The following DOCK2 variants were observed in gnomAD, a reference collection of about 807,000 sequenced individuals.
DOCK2 encodes the protein dedicator of cytokinesis protein 2.
In DOCK2, 87 loss-of-function variants were observed where a neutral mutation model predicts 248.9. The observed-to-expected ratio is 0.35, with a 90% confidence interval of 0.29 to 0.42. DOCK2 has a LOEUF of 0.42. Ranked by LOEUF, DOCK2 falls within the 10% of genes least tolerant of loss-of-function variation. DOCK2 has a pLI of 1.00. For synonymous variants in DOCK2, 805 were observed against 821.6 expected, an observed-to-expected ratio of 0.98 and a Z score of 0.35; for missense variants, 1,747 against 2,300.2, an observed-to-expected ratio of 0.76 and a Z score of 4.92.
At chr5:169,786,153 T>A (rs1765966726) in intron 25 of DOCK2, among the ~76,000 whole-genome samples, 1 of 152,220 alleles carries the variant, frequency 6.6e-6, no homozygotes, top group African/African-American at 2.4e-5. Context: ...TAAAGTTAAT[T>A]CAGACCTACT....
chr5:169,927,941 A>T lies in DOCK2; in HGVS notation c.2800-55127A>T, dbSNP rs544387992. The stretch of plus-strand genomic sequence containing the variant: ...CGAAAAATTCTTTATTCAGGGCTGG[A>T]TGATGAGATGGTATAACCAGCAGGA... On this transcript the variant is annotated intron_variant, in intron 27 of 51. Transcript: ENST00000520908. Among the ~76,000 whole-genome samples the T allele has an allele frequency of 2.0e-5, 3 of 152,284 alleles. No individual in the cohort carries two copies. The East Asian group carries it at 5.8e-4, about 29-fold the overall frequency.
intron 34 of DOCK2, among the ~76,000 whole-genome samples, chr5:170,032,421 G>A (rs1448768413): frequency 6.6e-6 from 1 of 152,112 alleles, no homozygotes; most frequent in African/African-American, 2.4e-5. Context: ...AGATTCTAAG[G>A]TTATTGACCT....
At chr5:169,815,847 C>T (rs940970398) in intron 26 of DOCK2, among the ~76,000 whole-genome samples, 5 of 152,056 alleles carry the variant, frequency 3.3e-5, no homozygotes, top group African/African-American at 9.7e-5. Context: ...GGCGTGGCGG[C>T]TTGGAGGAAT....
chr5:169,747,361 A>G, intron 22 of DOCK2, 35 bp from the exon 23 acceptor site: 1 of 1,577,136 alleles, frequency 6.3e-7, no homozygotes, highest in Non-Finnish European at 8.6e-7. Context: ...ATTGTCTGTT[A>G]GCTTGAGAAA....
rs145144939 is a variant in DOCK2, at chr5:169,713,761, A to G, written c.1660-267A>G. Reference sequence around the variant, plus strand: ...AAAATGTACTGTCTGGGAATTTTCAATTCCGTTTTTATTTTGCCATTAATG... The same window carrying G: ...AAAATGTACTGTCTGGGAATTTTCAGTTCCGTTTTTATTTTGCCATTAATG... On this transcript the variant is annotated intron_variant, in intron 17 of 51. Transcript: ENST00000520908. Among the ~76,000 whole-genome samples the G allele has an allele frequency of 1.2e-4, 18 of 152,278 alleles. No individual in the cohort carries two copies. The East Asian group carries it at 3.5e-3, about 29-fold the overall frequency.
At chr5:170,055,278 A>G (rs868652027) in intron 41 of DOCK2, 27 bp from the exon 42 acceptor site, 26 of 1,610,358 alleles carry the variant, frequency 1.6e-5, no homozygotes, top group South Asian at 1.1e-4. Flanking sequence ...GCCAACAGAT[A>G]TAAGTCCTTA....
chr5:169,771,533 G>C (rs139981896), intron 25 of DOCK2, among the ~76,000 whole-genome samples: 2 of 152,002 alleles, frequency 1.3e-5, no homozygotes. Context: ...CCTCTGCCTC[G>C]GCCTCCCAAA....
chr5:169,827,615 G>A (rs75279918), intron 26 of DOCK2, among the ~76,000 whole-genome samples: 2,072 of 152,226 alleles, frequency 0.014, 47 homozygotes, highest in African/African-American at 0.048. Context: ...GGAAAATGAG[G>A]TGCCCATCTT....
At chr5:169,987,469 G>C (rs1436283017) in intron 29 of DOCK2, among the ~76,000 whole-genome samples, 2 of 152,358 alleles carry the variant, frequency 1.3e-5, no homozygotes, top group South Asian at 2.1e-4. Context: ...TTACCAGAAA[G>C]AGGACTAAAT....
At chr5:170,015,651 GA>G (rs1269646294) in intron 32 of DOCK2, among the ~76,000 whole-genome samples, 1 of 152,064 alleles carries the variant, frequency 6.6e-6, no homozygotes, top group Non-Finnish European at 1.5e-5. Flanking sequence ...GAAATCCAGG[GA>G]GTCGTAACTT....
chr5:169,644,619 C>CA (rs1561900826), intron 1 of DOCK2, among the ~76,000 whole-genome samples: 1 of 140,096 alleles, frequency 7.1e-6, no homozygotes, highest in African/African-American at 2.6e-5. Flanking sequence ...TACCACGGTA[C>CA]TTTTTTTTTT....
intron 25 of DOCK2, among the ~76,000 whole-genome samples, chr5:169,775,870 C>A (rs1252018865): frequency 6.6e-6 from 1 of 151,686 alleles, no homozygotes; most frequent in African/African-American, 2.4e-5. Context: ...ACCTCAGCAG[C>A]CCTTGGGATT....
chr5:170,017,128 C>T (rs1320359091), intron 32 of DOCK2, among the ~76,000 whole-genome samples: 1 of 152,008 alleles, frequency 6.6e-6, no homozygotes, highest in Non-Finnish European at 1.5e-5. Flanking sequence ...AACATTAAGC[C>T]TCATTTAGGT....
At chr5:169,841,434 G>A (rs183074785) in intron 27 of DOCK2, 187 of 985,658 alleles carry the variant, frequency 1.9e-4, no homozygotes, top group Admixed American at 4.9e-4. Context: ...TCTGCCCATC[G>A]TGCTTTAAAC....
intron 27 of DOCK2, chr5:169,864,357 G>C (rs928517182): frequency 1.3e-6 from 2 of 1,551,520 alleles, no homozygotes; most frequent in African/African-American, 2.7e-5. Context: ...GTTCTGCTGG[G>C]GACTTTGGTG....
intron 25 of DOCK2, among the ~76,000 whole-genome samples, chr5:169,762,305 T>C (rs1764533546): frequency 6.6e-6 from 1 of 152,220 alleles, no homozygotes; most frequent in Non-Finnish European, 1.5e-5. Context: ...ATTATTATCA[T>C]GCAAATGGTA....
At chr5:169,855,273 C>A (rs552724664) in intron 27 of DOCK2, among the ~76,000 whole-genome samples, 1 of 152,192 alleles carries the variant, frequency 6.6e-6, no homozygotes, top group Non-Finnish European at 1.5e-5. Flanking sequence ...AGTAATAATG[C>A]GACTCTCCTT....
intron 27 of DOCK2, chr5:169,883,538 G>C: frequency 6.4e-7 from 1 of 1,551,648 alleles, no homozygotes; most frequent in Non-Finnish European, 8.7e-7. Context: ...ATTTCCACCA[G>C]GGACTTACTG....
chr5:169,658,532 C>T (rs918919093), intron 2 of DOCK2, among the ~76,000 whole-genome samples: 5 of 149,322 alleles, frequency 3.3e-5, no homozygotes, highest in African/African-American at 9.8e-5. Context: ...ACCATATGCT[C>T]ATTTTTATGA....
Sources: allele counts gnomAD v4.1 joint callset (sites outside exome capture counted in the v4.1 genomes callset), GRCh38; gene constraint gnomAD v4.1.1; transcripts MANE v1.5; gene names NCBI Gene and HGNC (gene_info 2026-07-23, HGNC 2026-07-21).